The following CCDC148 variants were observed in gnomAD, a reference collection of about 807,000 sequenced individuals.
The protein encoded by CCDC148 is coiled-coil domain containing 148.
A neutral mutation model predicts 85.7 loss-of-function variants in CCDC148; 89 were observed. That is an observed-to-expected ratio of 1.04 (90% CI 0.87 to 1.24). CCDC148 has a LOEUF of 1.24. Ranked by LOEUF, CCDC148 falls within the 50% of genes most tolerant of loss-of-function variation. The pLI, the probability that CCDC148 is intolerant of heterozygous loss-of-function variation, is 0.00. For missense variants in CCDC148, 692 were observed against 671.7 expected (o/e 1.03, Z -0.33); for synonymous variants, 230 against 213.9 (o/e 1.08, Z -0.66).
chr2:158,377,128 T>A (rs1684683774), intron 1 of CCDC148, among the ~76,000 whole-genome samples: 1 of 151,986 alleles, frequency 6.6e-6, no homozygotes, highest in African/African-American at 2.4e-5. Flanking sequence ...ATCCATATTC[T>A]CTGAACAATG....
intron 1 of CCDC148, among the ~76,000 whole-genome samples, chr2:158,443,513 A>AG (rs1559149243): frequency 5.5e-5 from 8 of 146,426 alleles, no homozygotes; most frequent in Middle Eastern, 3.6e-3. Flanking sequence ...AAAAAAAAAA[A>AG]AAAAAAAAAA....
intron 10 of CCDC148, among the ~76,000 whole-genome samples, chr2:158,224,962 T>C (rs1182489393): frequency 6.6e-6 from 1 of 152,036 alleles, no homozygotes; most frequent in African/African-American, 2.4e-5. Context: ...AATATTAACC[T>C]TAAATGTAAA....
chr2:158,426,151 T>C (rs1267338269), intron 1 of CCDC148, among the ~76,000 whole-genome samples: 1 of 125,732 alleles, frequency 8.0e-6, no homozygotes, highest in African/African-American at 2.5e-5. Context: ...GTGAAAGTAA[T>C]TATAACACAA....
chr2:158,240,448 T>TCACA (rs1419458254), intron 10 of CCDC148, among the ~76,000 whole-genome samples: 11 of 47,798 alleles, frequency 2.3e-4, no homozygotes, highest in South Asian at 1.2e-3. Flanking sequence ...TCTCTCTCTC[T>TCACA]CTCTCACACA....
chr2:158,189,462 A>G (rs570184479), intron 11 of CCDC148, among the ~76,000 whole-genome samples: 1 of 152,014 alleles, frequency 6.6e-6, no homozygotes, highest in East Asian at 1.9e-4. Flanking sequence ...TGGAATGTTA[A>G]TTTCCCACAG....
chr2:158,311,636 T>C (rs959573646), intron 8 of CCDC148, among the ~76,000 whole-genome samples: 3 of 152,200 alleles, frequency 2.0e-5, no homozygotes, highest in African/African-American at 7.2e-5. Context: ...AAATACGCCA[T>C]CTTTACATCA....
At chr2:158,391,167 T>C (rs924530976) in intron 1 of CCDC148, among the ~76,000 whole-genome samples, 3 of 152,172 alleles carry the variant, frequency 2.0e-5, no homozygotes, top group East Asian at 3.9e-4. Context: ...TACTGTCTAG[T>C]GGCCTCTTGT....
intron 1 of CCDC148, among the ~76,000 whole-genome samples, chr2:158,387,664 C>T (rs1685146948): frequency 1.3e-5 from 2 of 152,020 alleles, no homozygotes; most frequent in African/African-American, 4.8e-5. Flanking sequence ...CACCCCATTG[C>T]GTGAGCCTGC....
At chr2:158,197,909 A>C (rs1170085131) in intron 11 of CCDC148, among the ~76,000 whole-genome samples, 2 of 130,742 alleles carry the variant, frequency 1.5e-5, no homozygotes, top group Non-Finnish European at 3.0e-5. Context: ...CTAATGAATT[A>C]ATCAATTAAT....
intron 9 of CCDC148, among the ~76,000 whole-genome samples, chr2:158,282,906 G>T (rs1265529478): frequency 6.6e-6 from 1 of 152,176 alleles, no homozygotes; most frequent in Non-Finnish European, 1.5e-5. Flanking sequence ...AACCAAAACA[G>T]CATGGTACTT....
intron 11 of CCDC148, among the ~76,000 whole-genome samples, chr2:158,199,006 C>A (rs73011451): frequency 0.012 from 1,886 of 152,060 alleles, 19 homozygotes; most frequent in East Asian, 0.069. Flanking sequence ...ACCTTGGGAC[C>A]AGTAGAGATT....
intron 10 of CCDC148, among the ~76,000 whole-genome samples, chr2:158,249,612 T>C (rs555807886): frequency 6.6e-6 from 1 of 152,262 alleles, no homozygotes; most frequent in African/African-American, 2.4e-5. Flanking sequence ...GTATGTTGTT[T>C]TCCACAATGC....
In CCDC148 at chr2:158,342,837, C is replaced by T. The variant is rs147751227; in HGVS notation, c.252-2157G>A. Among the ~76,000 whole-genome samples, 834 of 152,116 alleles carry T rather than the reference C, an allele frequency of 5.5e-3. 3 individuals are homozygous for T. The highest frequency in any genetic ancestry group is 0.015 in the African/African-American group (610 of 41,498). ...TACCAGAATGAAACGAGGGAGAAAG[C>T]GCCTCTGGAAAAGTGTGTCAAAAAC... is the stretch of plus-strand genomic sequence containing the variant. On this transcript the variant is annotated intron_variant, in intron 3 of 13. Transcript: ENST00000283233.
intron 1 of CCDC148, among the ~76,000 whole-genome samples, chr2:158,433,074 C>CAAAAAAAAA (rs755383954): frequency 5.3e-4 from 39 of 74,010 alleles, no homozygotes; most frequent in Non-Finnish European, 6.6e-4. Context: ...CTCATCTCTA[C>CAAAAAAAAA]AAAAAAAAAA....
intron 1 of CCDC148, among the ~76,000 whole-genome samples, chr2:158,443,407 G>A (rs79266116): frequency 0.048 from 7,056 of 148,388 alleles, 249 homozygotes; most frequent in Middle Eastern, 0.064. Flanking sequence ...AGCAGGCTGA[G>A]ATGGCGGGAT....
intron 7 of CCDC148, among the ~76,000 whole-genome samples, chr2:158,328,952 C>G (rs1394273535): frequency 1.3e-5 from 2 of 151,972 alleles, no homozygotes; most frequent in Non-Finnish European, 2.9e-5. Flanking sequence ...AATTTTCTCC[C>G]ATTCTGTAGG....
At chr2:158,384,378 C>A (rs969524368) in intron 1 of CCDC148, among the ~76,000 whole-genome samples, 19 of 152,166 alleles carry the variant, frequency 1.2e-4, no homozygotes, top group African/African-American at 4.6e-4. Flanking sequence ...AAATTGTAAT[C>A]CCCAGTGCTG....
chr2:158,412,055 G>A, intron 1 of CCDC148, among the ~76,000 whole-genome samples: 1 of 152,098 alleles, frequency 6.6e-6, no homozygotes. Context: ...TGTCAGCTGG[G>A]GTTTTACTGA....
intron 10 of CCDC148, among the ~76,000 whole-genome samples, chr2:158,224,761 T>G (rs1687403815): frequency 6.6e-6 from 1 of 152,126 alleles, no homozygotes; most frequent in Non-Finnish European, 1.5e-5. Context: ...GCTGAGAGAT[T>G]TTGTCACCAC....
Sources: gnomAD v4.1 joint callset for allele counts (sites outside exome capture counted in the v4.1 genomes callset) on GRCh38, gnomAD v4.1.1 for gene constraint, MANE v1.5 for transcripts, NCBI Gene and HGNC (gene_info 2026-07-23, HGNC 2026-07-21) for gene names.